SIPA1L2: variants seen among roughly 807,000 people sequenced by gnomAD.
SIPA1L2 encodes the protein signal induced proliferation associated 1 like 2.
SIPA1L2 carries 56 observed loss-of-function variants against 163.9 expected under a neutral mutation model. The observed-to-expected ratio is 0.34, with a 90% CI of 0.28 to 0.43. The LOEUF (loss-of-function observed/expected upper bound fraction) is 0.43. SIPA1L2 is among the 20% of genes least tolerant of loss of function. The pLI, the probability that SIPA1L2 is intolerant of heterozygous loss-of-function variation, is 1.00. For missense variants in SIPA1L2, 1,974 were observed against 2,193.5 expected (o/e 0.90, Z 2.00); for synonymous variants, 877 against 865.7 (o/e 1.01, Z -0.23).
chr1:232,495,483 T>C (rs1011560025), intron 3 of SIPA1L2, among the ~76,000 whole-genome samples: 1 of 149,260 alleles, frequency 6.7e-6, no homozygotes, highest in Non-Finnish European at 1.5e-5. Context: ...GAGAATGGCG[T>C]GAACCTGGGA....
intron 8 of SIPA1L2, among the ~76,000 whole-genome samples, chr1:232,468,956 C>T (rs1253770781): frequency 1.3e-5 from 2 of 152,172 alleles, no homozygotes; most frequent in Middle Eastern, 3.2e-3. Flanking sequence ...GGGGTGTTGC[C>T]TCATTTCTCC....
chr1:232,429,543 G>T (rs1662101597), intron 16 of SIPA1L2, among the ~76,000 whole-genome samples: 1 of 151,832 alleles, frequency 6.6e-6, no homozygotes, highest in Non-Finnish European at 1.5e-5. Flanking sequence ...GGTAGGACAG[G>T]TTTCCCTGTA....
At chr1:232,530,274 C>T (rs940471726) in intron 2 of SIPA1L2, among the ~76,000 whole-genome samples, 8 of 152,044 alleles carry the variant, frequency 5.3e-5, no homozygotes, top group East Asian at 1.9e-4. Flanking sequence ...CCACCACGCC[C>T]GGCTAATTTT....
chr1:232,517,449 G>A (rs1036715692), intron 2 of SIPA1L2, among the ~76,000 whole-genome samples: 5 of 152,104 alleles, frequency 3.3e-5, no homozygotes, highest in Non-Finnish European at 7.3e-5. Flanking sequence ...TATTCACCAC[G>A]CTCCACAGGG....
At chr1:232,445,884 G>A in intron 10 of SIPA1L2, 98 bp from the exon 11 acceptor site, 8 of 1,388,406 alleles carry the variant, frequency 5.8e-6, no homozygotes, top group Non-Finnish European at 7.9e-6. Flanking sequence ...ATCACATGGT[G>A]TGTGCCTCTC....
At chr1:232,601,207 A>G (rs968330520) in intron 1 of SIPA1L2, among the ~76,000 whole-genome samples, 1 of 152,242 alleles carries the variant, frequency 6.6e-6, no homozygotes, top group Non-Finnish European at 1.5e-5. Context: ...GTAGTCCAAC[A>G]GAGACATTCA....
intron 1 of SIPA1L2, among the ~76,000 whole-genome samples, chr1:232,584,249 G>A (rs927264989): frequency 2.6e-5 from 4 of 151,810 alleles, no homozygotes; most frequent in African/African-American, 7.3e-5. Context: ...TTTTTTAGAC[G>A]GAGTCTCACT....
intron 8 of SIPA1L2, among the ~76,000 whole-genome samples, chr1:232,467,211 A>G (rs1242342673): frequency 6.6e-6 from 1 of 152,182 alleles, no homozygotes; most frequent in Non-Finnish European, 1.5e-5. Context: ...CACTGATATG[A>G]AAGGGAAGCA....
At chr1:232,420,686 T>C (rs1661523551) in intron 18 of SIPA1L2, among the ~76,000 whole-genome samples, 1 of 151,866 alleles carries the variant, frequency 6.6e-6, no homozygotes, top group Admixed American at 6.6e-5. Flanking sequence ...ATACAAAAAA[T>C]TAGCCAGGTG....
chr1:232,438,157 A>C (rs549862485), intron 15 of SIPA1L2, among the ~76,000 whole-genome samples: 1 of 152,286 alleles, frequency 6.6e-6, no homozygotes, highest in Non-Finnish European at 1.5e-5. Flanking sequence ...GAACATAAAA[A>C]GCCTTTCACC....
chr1:232,493,152 C>T (rs1009796196), intron 4 of SIPA1L2, among the ~76,000 whole-genome samples: 1 of 152,104 alleles, frequency 6.6e-6, no homozygotes, highest in South Asian at 2.1e-4. Flanking sequence ...CCTGGTCCAC[C>T]ATGATAAGAT....
At chr1:232,525,311 T>C (rs6424232) in intron 2 of SIPA1L2, among the ~76,000 whole-genome samples, 135,941 of 147,836 alleles carry the variant, frequency 0.92, 63,224 homozygotes, top group African/African-American at 0.99. Context: ...TCTTGGCTCA[T>C]GGCAACCTCC....
chr1:232,589,758 T>C (rs915684180), intron 1 of SIPA1L2, among the ~76,000 whole-genome samples: 1 of 152,164 alleles, frequency 6.6e-6, no homozygotes, highest in Admixed American at 6.5e-5. Context: ...GACAAATCCA[T>C]TTTACTGAAC....
In SIPA1L2 at chr1:232,403,563, C is replaced by T. The variant is rs1332701851; in HGVS notation, c.4825G>A (p.Val1609Met). ...TCTGTCAGGGTGCAGAAGGATGCCA[C>T]CCTCTGGTCTGGGGAGGGGAGAAAC... ...CHHTSYLDQR[V>M]ASFCTLTDMQ... Residue 1609 changes from valine (V) to methionine (M), a missense_variant, in exon 21 of 23, where the codon GTG becomes ATG. This residue lies in a region of SIPA1L2 where 1,079 missense variants were observed against 1,150.7 expected (regional missense o/e 0.94). Transcript: ENST00000674635. The T allele has an allele frequency of 3.7e-6, 6 of 1,613,230 alleles. No homozygotes were observed. The East Asian group carries it at 1.1e-4, about 30-fold the overall frequency.
intron 7 of SIPA1L2, among the ~76,000 whole-genome samples, 171 bp downstream of exon 7, chr1:232,479,456 G>A (rs931289666): frequency 2.6e-5 from 4 of 152,144 alleles, no homozygotes; most frequent in Non-Finnish European, 4.4e-5. Context: ...GCAACAATAC[G>A]CCCTTTAAAG....
chr1:232,483,452 C>G (rs1416912346), intron 6 of SIPA1L2, among the ~76,000 whole-genome samples: 1 of 151,996 alleles, frequency 6.6e-6, no homozygotes, highest in Non-Finnish European at 1.5e-5. Flanking sequence ...AAATGCAGTG[C>G]TTGTCCTTGG....
chr1:232,425,548 A>G (rs1572878040), intron 18 of SIPA1L2, 41 bp downstream of exon 18: 1 of 1,482,746 alleles, frequency 6.7e-7, no homozygotes, highest in East Asian at 2.5e-5. Flanking sequence ...CGATCAGCCC[A>G]CCCTCGGCGC....
intron 12 of SIPA1L2, among the ~76,000 whole-genome samples, chr1:232,442,105 T>C (rs1160687879): frequency 6.6e-6 from 1 of 151,978 alleles, no homozygotes; most frequent in Non-Finnish European, 1.5e-5. Context: ...ATGATAGCCA[T>C]TTACAGATAA....
intron 2 of SIPA1L2, among the ~76,000 whole-genome samples, chr1:232,523,305 T>C (rs927184406): frequency 5.3e-5 from 8 of 152,190 alleles, no homozygotes; most frequent in African/African-American, 1.9e-4. Context: ...TATTGACTGC[T>C]TCCCATTAAA....
Sources: allele counts gnomAD v4.1 joint callset (sites outside exome capture counted in the v4.1 genomes callset), GRCh38; gene constraint gnomAD v4.1.1; regional missense constraint gnomAD v4.1.1; transcripts MANE v1.5; gene names NCBI Gene and HGNC (gene_info 2026-07-23, HGNC 2026-07-21).